Variants in DENND1A observed in about 807,000 individuals in gnomAD.
DENND1A encodes DENN domain containing 1A.
DENND1A carries 51 observed loss-of-function variants against 113.7 expected under a neutral mutation model. The observed-to-expected ratio is 0.45, with a 90% CI of 0.36 to 0.57. The LOEUF (loss-of-function observed/expected upper bound fraction) is 0.57. Ranked by LOEUF, DENND1A falls within the 20% of genes least tolerant of loss-of-function variation. The pLI is 0.00. For synonymous variants in DENND1A, 565 were observed against 570.8 expected (o/e 0.99, Z 0.14); for missense variants, 1,258 against 1,395.9 (o/e 0.90, Z 1.57).
chr9:123,869,891 C>A (rs530786510), intron 2 of DENND1A, among the ~76,000 whole-genome samples: 5 of 150,930 alleles, frequency 3.3e-5, no homozygotes, highest in African/African-American at 1.2e-4. Flanking sequence ...ACTGGGGAGG[C>A]TGAGGTGGGA....
At chr9:123,501,506 C>T (rs188736249) in intron 13 of DENND1A, among the ~76,000 whole-genome samples, 2 of 152,272 alleles carry the variant, frequency 1.3e-5, no homozygotes, top group African/African-American at 2.4e-5. Context: ...GATCATATGG[C>T]GACTGTATTT....
At chr9:123,383,533 G>A in intron 23 of DENND1A, 122 bp downstream of exon 23, 2 of 1,443,744 alleles carry the variant, frequency 1.4e-6, no homozygotes, top group South Asian at 2.7e-5. Flanking sequence ...CCTGAGCATT[G>A]GCTGAGGGTC....
chr9:123,638,092 T>A (rs1233986860), intron 9 of DENND1A, among the ~76,000 whole-genome samples: 1 of 152,168 alleles, frequency 6.6e-6, no homozygotes, highest in Non-Finnish European at 1.5e-5. Context: ...TCTCTCCATT[T>A]TTTTTTAAAG....
Position 123,866,792 on chromosome 9 carries a change from C to A in DENND1A, c.88+12159G>T, listed in dbSNP as rs537961139. 1.5e-4 allele frequency among the ~76,000 whole-genome samples: 23 copies of A among 152,260 alleles called. 2 individuals carry two copies. In the South Asian group the frequency reaches 4.4e-3, roughly 29 times the overall value. On this transcript the variant is annotated intron_variant, in intron 2 of 23. Transcript: ENST00000394215. ...AAGTCCCACTTAAACAATGGGCAAA[C>A]CAGAATTTAGTTTAAATAGCTTTCC... is the stretch of plus-strand genomic sequence containing the variant.
intron 13 of DENND1A, among the ~76,000 whole-genome samples, chr9:123,464,167 C>G (rs1424078345): frequency 6.6e-6 from 1 of 152,114 alleles, no homozygotes; most frequent in Non-Finnish European, 1.5e-5. Flanking sequence ...TTACTATGGT[C>G]TAGGCTCTGT....
At chr9:123,516,107 TACACACACACACACAC>T (rs199923277) in intron 13 of DENND1A, among the ~76,000 whole-genome samples, 1,863 of 138,386 alleles carry the variant, frequency 0.013, 20 homozygotes, top group Non-Finnish European at 0.016. Context: ...TACACACACA[TACACACACACACACAC>T]ACACACACAC....
At chr9:123,840,438 A>G (rs1841663301) in intron 2 of DENND1A, among the ~76,000 whole-genome samples, 1 of 152,158 alleles carries the variant, frequency 6.6e-6, no homozygotes, top group Admixed American at 6.5e-5. Context: ...ACAGAACTCC[A>G]ATGAGGTCGT....
chr9:123,477,105 C>A (rs542844170), intron 13 of DENND1A, among the ~76,000 whole-genome samples: 1 of 152,244 alleles, frequency 6.6e-6, no homozygotes, highest in Non-Finnish European at 1.5e-5. Flanking sequence ...CAGGGTATTC[C>A]ATGAGCAGCT....
chr9:123,475,476 A>G (rs903423087), intron 13 of DENND1A, among the ~76,000 whole-genome samples: 2 of 152,234 alleles, frequency 1.3e-5, no homozygotes, highest in Admixed American at 1.3e-4. Flanking sequence ...TAGATGCCAC[A>G]CTGTGTCGAG....
In DENND1A at chr9:123,602,383, T is replaced by G. The variant is rs1170331135; in HGVS notation, c.765+7053A>C. ...TCTTTCATATATTTTTTTCCAAATA[T>G]TTTTGATCTGTGGTTGGATGAATCT... On this transcript the variant is annotated intron_variant, in intron 11 of 23. Transcript: ENST00000394215. 2.0e-5 allele frequency among the ~76,000 whole-genome samples: 3 copies of G among 152,206 alleles called. No homozygotes were observed. In the East Asian group the frequency reaches 5.8e-4, roughly 29 times the overall value.
intron 11 of DENND1A, among the ~76,000 whole-genome samples, chr9:123,608,735 G>A (rs148726136): frequency 6.6e-6 from 1 of 152,306 alleles, no homozygotes; most frequent in East Asian, 1.9e-4. Flanking sequence ...GATGTTCACT[G>A]AAATGCTATT....
At chr9:123,607,309 G>A (rs1490677293) in intron 11 of DENND1A, among the ~76,000 whole-genome samples, 4 of 151,282 alleles carry the variant, frequency 2.6e-5, no homozygotes, top group African/African-American at 9.7e-5. Context: ...AAAGAACAGG[G>A]CGAGAGACGT....
intron 19 of DENND1A, among the ~76,000 whole-genome samples, chr9:123,439,152 C>G (rs915217449): frequency 6.6e-6 from 1 of 152,216 alleles, no homozygotes; most frequent in African/African-American, 2.4e-5. Context: ...GGGGAGGCAG[C>G]TCTTCAGGGG....
intron 13 of DENND1A, among the ~76,000 whole-genome samples, chr9:123,494,990 C>T (rs1158053541): frequency 1.3e-5 from 2 of 152,072 alleles, no homozygotes; most frequent in Middle Eastern, 3.2e-3. Flanking sequence ...CGGGGTTTTG[C>T]CATGTTGCCC....
At chr9:123,569,785 G>A (rs548092538) in intron 12 of DENND1A, among the ~76,000 whole-genome samples, 14 of 152,296 alleles carry the variant, frequency 9.2e-5, no homozygotes, top group Middle Eastern at 6.8e-3. Flanking sequence ...TAGACGTGGG[G>A]TGGGGGAAAG....
chr9:123,629,001 G>A (rs2061362753), intron 10 of DENND1A, among the ~76,000 whole-genome samples: 1 of 152,236 alleles, frequency 6.6e-6, no homozygotes, highest in Non-Finnish European at 1.5e-5. Context: ...CCTGAGTTAT[G>A]TCCTTGTTAT....
At chr9:123,535,161 C>T (rs976163569) in intron 13 of DENND1A, among the ~76,000 whole-genome samples, 1 of 152,222 alleles carries the variant, frequency 6.6e-6, no homozygotes, top group African/African-American at 2.4e-5. Context: ...CTGACGTTCA[C>T]TCTGTTGTCC....
At chr9:123,401,565 T>C in intron 21 of DENND1A, 2 of 1,384,448 alleles carry the variant, frequency 1.4e-6, no homozygotes, top group Non-Finnish European at 9.4e-7. Context: ...CTATCACTGG[T>C]AGTTTGCCAA....
intron 11 of DENND1A, among the ~76,000 whole-genome samples, chr9:123,589,671 A>C (rs1191046861): frequency 6.6e-6 from 1 of 151,756 alleles, no homozygotes; most frequent in Non-Finnish European, 1.5e-5. Context: ...AAAAAAAAAA[A>C]AACTGACATG....
Sources: gnomAD v4.1 joint callset for allele counts (sites outside exome capture counted in the v4.1 genomes callset) on GRCh38, gnomAD v4.1.1 for gene constraint, MANE v1.5 for transcripts, NCBI Gene and HGNC (gene_info 2026-07-23, HGNC 2026-07-21) for gene names.